The following HELB variants were observed in gnomAD, a reference collection of about 807,000 sequenced individuals.
HELB encodes DNA helicase B.
HELB carries 96 observed loss-of-function variants against 101.7 expected under a neutral mutation model. That is an observed-to-expected ratio of 0.94 (90% CI 0.80 to 1.12). The LOEUF (loss-of-function observed/expected upper bound fraction) is 1.12. Among genes scored for constraint, HELB ranks in the 50% most tolerant of loss-of-function variants. The pLI is 0.00. For missense variants in HELB, 1,210 were observed against 1,291.9 expected (o/e 0.94, Z 0.97); for synonymous variants, 437 against 459.7 (o/e 0.95, Z 0.63).
chr12:66,317,286 C>T (rs959966373), intron 6 of HELB, among the ~76,000 whole-genome samples: 1 of 152,160 alleles, frequency 6.6e-6, no homozygotes, highest in African/African-American at 2.4e-5. Flanking sequence ...GGCCTCATGG[C>T]TCGTGGGCCA....
intron 11 of HELB, among the ~76,000 whole-genome samples, chr12:66,327,615 A>G (rs2053756797): frequency 6.6e-6 from 1 of 152,064 alleles, no homozygotes; most frequent in African/African-American, 2.4e-5. Context: ...AACATTCATG[A>G]TTGTTATATC....
chr12:66,311,309 A>C (rs1043808790), intron 4 of HELB, among the ~76,000 whole-genome samples: 2 of 152,122 alleles, frequency 1.3e-5, no homozygotes, highest in Admixed American at 6.6e-5. Flanking sequence ...AAACAATTAA[A>C]AAATTAGGTG....
chr12:66,325,327 G>A lies in HELB; in HGVS notation c.2670+201G>A, dbSNP rs141619288. 3.5e-4 allele frequency among the ~76,000 whole-genome samples: 54 copies of A among 152,190 alleles called. No individual in the cohort carries two copies. The Middle Eastern group carries it at 0.02, about 58-fold the overall frequency. On this transcript the variant is annotated intron_variant, in intron 11 of 12. Coordinates refer to ENST00000247815, the MANE Select transcript of HELB (RefSeq NM_001370285.1). The stretch of plus-strand genomic sequence containing the variant: ...GCTCTCTTTATTTTTAGAAACAAAG[G>A]CATTATAGGTAAAGTCTCCTCCTTC...
chr12:66,314,379 A>G (rs1226693854), intron 5 of HELB, among the ~76,000 whole-genome samples: 2 of 152,158 alleles, frequency 1.3e-5, no homozygotes, highest in African/African-American at 4.8e-5. Context: ...TGAATGAAAT[A>G]GGGTTGTTAA....
In HELB at chr12:66,336,122, G is replaced by A. The variant is rs114365660; in HGVS notation, c.3163-1879G>A. Among the ~76,000 whole-genome samples the A allele has an allele frequency of 5.1e-3, 779 of 152,232 alleles. 5 individuals are homozygous for A. Among genetic ancestry groups the A allele is most frequent in the African/African-American group, 0.018 (754 of 41,526 alleles). On this transcript the variant is annotated intron_variant, in intron 12 of 12. Transcript: ENST00000247815. ...AAAATATGAGTCATGAATATATGGC[G>A]ATGAAACTTTTTTTTAAAAAATCAG...
chr12:66,331,568 G>C lies in HELB; in HGVS notation c.3085G>C (p.Asp1029His), dbSNP rs1188916153. The change falls in exon 12 of 13, where the codon GAT becomes CAT. Residue 1029 changes from aspartate to histidine, a missense_variant. Physicochemically the swap from Asp to His is moderately conservative, Grantham distance 81. Around this residue, in one of 2 missense-constraint regions of HELB, gnomAD observed 740 missense variants for 728.8 expected, o/e 1.02. Transcript: ENST00000247815. Reference protein sequence around the residue: ...LSSPDGVDTDDDLPKSRASKR... With the variant: ...LSSPDGVDTDHDLPKSRASKR... ...TTCACCTGATGGAGTAGATACAGATGATGATTTACCAAAATCGCGAGCATC... is the reference window on the plus strand; with the variant it reads ...TTCACCTGATGGAGTAGATACAGATCATGATTTACCAAAATCGCGAGCATC... 3.1e-6 allele frequency: 5 copies of C among 1,613,482 alleles called. No homozygotes were observed. The highest frequency in any genetic ancestry group is 4.2e-6 in the Non-Finnish European group (5 of 1,179,986).
intron 6 of HELB, among the ~76,000 whole-genome samples, chr12:66,316,226 G>T (rs1457685044): frequency 6.6e-6 from 1 of 152,002 alleles, no homozygotes; most frequent in Non-Finnish European, 1.5e-5. Flanking sequence ...TACCATCCAG[G>T]TTTGTGTAAG....
In HELB at chr12:66,318,740, G is replaced by C. The variant is rs150421611; in HGVS notation, c.2103G>C (p.Arg701Ser). Residue 701 changes from arginine (R) to serine (S), a missense_variant, in exon 7 of 13, where the codon AGG becomes AGC. Arg to Ser is a moderately radical substitution (Grantham distance 110). This residue lies in a region of HELB where 740 missense variants were observed against 728.8 expected (regional missense o/e 1.02). Transcript: ENST00000247815. ...SIQDKTFIFV[R>S]LPEEDASSQS... is the part of the protein sequence containing the mutation. The stretch of plus-strand genomic sequence containing the variant: ...AAGATAAGACATTTATTTTTGTCAG[G>C]CTCCCAGAAGAGGATGCCAGTTCTC... 7.4e-5 allele frequency: 119 copies of C among 1,610,660 alleles called. No homozygotes were observed. Among genetic ancestry groups the C allele is most frequent in the Non-Finnish European group, 9.4e-5 (111 of 1,178,946 alleles).
chr12:66,337,731 T>A (rs1453060749), intron 12 of HELB, among the ~76,000 whole-genome samples: 2 of 152,198 alleles, frequency 1.3e-5, no homozygotes, highest in East Asian at 3.9e-4. Context: ...GGGCCCTGTC[T>A]ACACCTTTAG....
chr12:66,331,261 T>C lies in HELB; in HGVS notation c.2778T>C (p.Ile926=). ...GGGGCCGCTGCCGAGTGTATGTGAT[T>C]GCAGAGGAGTCTCAGCTCCGGAATG... ...VTRGRCRVYV[I]AEESQLRNAI... is the part of the protein sequence containing the mutation. Residue 926 remains isoleucine (I), a synonymous_variant, in exon 12 of 13, where the codon ATT becomes ATC. Transcript: ENST00000247815. 1 of 1,614,236 alleles carries C rather than the reference T, an allele frequency of 6.2e-7. No individual in the cohort carries two copies. The highest frequency in any genetic ancestry group is 1.1e-5 in the South Asian group (1 of 91,084).
chr12:66,310,636 A>G lies in HELB; in HGVS notation c.1680+28A>G, dbSNP rs2053533169. 8 of 1,583,732 alleles carry G rather than the reference A, an allele frequency of 5.1e-6. No individual in the cohort carries two copies. The East Asian group carries it at 1.8e-4, about 35-fold the overall frequency. ...AAAACCTTTGACATTTCATCTGTAG[A>G]TAAAACATTTGTCGGCCGGGCACAG... On this transcript the variant is annotated intron_variant, in intron 4 of 12. Transcript: ENST00000247815.
In HELB at chr12:66,331,150, C is replaced by A; in HGVS notation, c.2671-4C>A. ...TAGTCTTCACACCATATTTTTCCTG[C>A]CAGGGGTCCGAGGAGCAAACAGTTG... On this transcript the variant is annotated splice_region_variant and splice_polypyrimidine_tract_variant and intron_variant, in intron 11 of 12. Transcript: ENST00000247815. The A allele has an allele frequency of 6.3e-7, 1 of 1,590,756 alleles. No homozygotes were observed. Among genetic ancestry groups the A allele is most frequent in the Non-Finnish European group, 8.6e-7 (1 of 1,167,586 alleles).
At chr12:66,332,503 C>A (rs927053472) in intron 12 of HELB, among the ~76,000 whole-genome samples, 38 of 152,180 alleles carry the variant, frequency 2.5e-4, no homozygotes, top group African/African-American at 8.0e-4. Flanking sequence ...TCCATGAATC[C>A]TCCCTTTGTC....
rs368856621 is a variant in HELB, at chr12:66,304,728, T to A, written c.188-3T>A. On this transcript the variant is annotated splice_polypyrimidine_tract_variant and splice_region_variant and intron_variant, in intron 1 of 12. Coordinates refer to ENST00000247815, the MANE Select transcript of HELB (RefSeq NM_001370285.1). The stretch of plus-strand genomic sequence containing the variant: ...TTGTGGGTTTTTGTTTGTTTTTTTT[T>A]AGTTTCTATTTGTGATGAAAACACA... 154 of 1,570,248 alleles carry A rather than the reference T, an allele frequency of 9.8e-5. No homozygotes were observed. Among genetic ancestry groups the A allele is most frequent in the Non-Finnish European group, 1.3e-4 (146 of 1,163,316 alleles).
At position 66,331,246 on chromosome 12, in the gene HELB, C is replaced by T. The variant is rs2053802544; in HGVS notation, c.2763C>T (p.Cys921=). The T allele has an allele frequency of 8.7e-6, 14 of 1,614,208 alleles. No individual in the cohort carries two copies. The highest frequency in any genetic ancestry group is 1.2e-5 in the Non-Finnish European group (14 of 1,180,028). Residue 921 remains cysteine (C), a synonymous_variant, in exon 12 of 13, where the codon TGC becomes TGT. Transcript: ENST00000247815. The part of the protein sequence containing the change: ...HVYTAVTRGR[C]RVYVIAEESQ... Reference sequence around the variant, plus strand: ...ACACCGCCGTGACCAGGGGCCGCTGCCGAGTGTATGTGATTGCAGAGGAGT... The same window carrying T: ...ACACCGCCGTGACCAGGGGCCGCTGTCGAGTGTATGTGATTGCAGAGGAGT...
chr12:66,304,872 C>A lies in HELB; in HGVS notation c.329C>A (p.Pro110Gln). Residue 110 changes from proline (P) to glutamine (Q), a missense_variant, in exon 2 of 13, where the codon CCG becomes CAG. This residue lies in a region of HELB where 470 missense variants were observed against 563.1 expected (regional missense o/e 0.83). Coordinates refer to ENST00000247815, the MANE Select transcript of HELB (RefSeq NM_001370285.1). Reference protein sequence around the residue: ...RSYQYQVQGFPSYFLQSDMSP... With the variant: ...RSYQYQVQGFQSYFLQSDMSP... ...TATCAATATCAAGTTCAAGGATTTC[C>A]GTCTTACTTTTTGCAGTCTGATATG... 1 of 1,614,050 alleles carries A rather than the reference C, an allele frequency of 6.2e-7. No homozygotes were observed. The highest frequency in any genetic ancestry group is 8.5e-7 in the Non-Finnish European group (1 of 1,179,994).
chr12:66,307,257 AGTATGC>A (rs2053487860), intron 3 of HELB, among the ~76,000 whole-genome samples: 1 of 152,230 alleles, frequency 6.6e-6, no homozygotes, highest in Non-Finnish European at 1.5e-5. Flanking sequence ...CTATGAATTC[AGTATGC>A]TTTTAAAGAT....
chr12:66,318,757 C>A lies in HELB; in HGVS notation c.2120C>A (p.Ala707Asp), dbSNP rs758082114. The A allele has an allele frequency of 1.1e-5, 18 of 1,609,576 alleles. No homozygotes were observed. The South Asian group carries it at 2.0e-4, about 18-fold the overall frequency. ...FIFVRLPEED[A>D]SSQSSKTNHH... is the part of the protein sequence containing the mutation. The stretch of plus-strand genomic sequence containing the variant: ...TTTGTCAGGCTCCCAGAAGAGGATG[C>A]CAGTTCTCAGTCATCTAAAACTAAT... The change falls in exon 7 of 13, where the codon GCC becomes GAC. Residue 707 changes from alanine to aspartate, a missense_variant. Ala to Asp is a moderately radical substitution (Grantham distance 126). This residue lies in a region of HELB where 740 missense variants were observed against 728.8 expected (regional missense o/e 1.02). Coordinates refer to ENST00000247815, the MANE Select transcript of HELB (RefSeq NM_001370285.1).
At chr12:66,324,510 G>C (rs1360089830) in intron 10 of HELB, 2 of 280,438 alleles carry the variant, frequency 7.1e-6, no homozygotes, top group African/African-American at 4.4e-5. Context: ...AAGTACTTGA[G>C]TAACAAAAAA....
Sources: allele counts gnomAD v4.1 joint callset (sites outside exome capture counted in the v4.1 genomes callset), GRCh38; gene constraint gnomAD v4.1.1; regional missense constraint gnomAD v4.1.1; transcripts MANE v1.5; gene names NCBI Gene and HGNC (gene_info 2026-07-23, HGNC 2026-07-21).